The following DNAJC6 variants were observed in gnomAD, a reference collection of about 807,000 sequenced individuals.
DNAJC6 encodes the protein auxilin.
DNAJC6 carries 34 observed loss-of-function variants against 110.0 expected under a neutral mutation model. The ratio of observed to expected loss-of-function variants is 0.31; its 90% confidence interval spans 0.24 to 0.41. The LOEUF (loss-of-function observed/expected upper bound fraction) is 0.41, where lower values mean the gene tolerates loss of function less well. Ranked by LOEUF, DNAJC6 falls within the 10% of genes least tolerant of loss-of-function variation. The pLI, the probability that DNAJC6 is intolerant of heterozygous loss-of-function variation, is 1.00. For missense variants in DNAJC6, 1,031 were observed against 1,207.8 expected (o/e 0.85, Z 2.17); for synonymous variants, 406 against 437.2 (o/e 0.93, Z 0.89).
chr1:65,348,195 A>G (rs1454420994), intron 1 of DNAJC6, among the ~76,000 whole-genome samples: 1 of 152,208 alleles, frequency 6.6e-6, no homozygotes, highest in Non-Finnish European at 1.5e-5. Flanking sequence ...CTTAATTGAC[A>G]CCCAGAAATA....
At chr1:65,292,656 A>G (rs1367562098) in intron 1 of DNAJC6, among the ~76,000 whole-genome samples, 1 of 152,004 alleles carries the variant, frequency 6.6e-6, no homozygotes, top group Non-Finnish European at 1.5e-5. Flanking sequence ...GCTGGTCTCA[A>G]ACTCCTGGGC....
chr1:65,353,952 C>T (rs548465443), intron 1 of DNAJC6, among the ~76,000 whole-genome samples: 5 of 152,126 alleles, frequency 3.3e-5, no homozygotes, highest in Non-Finnish European at 5.9e-5. Flanking sequence ...CAAAGTTGAT[C>T]TGTTTGGTCT....
At chr1:65,380,332 A>C (rs1036193188) in intron 5 of DNAJC6, among the ~76,000 whole-genome samples, 12 of 152,242 alleles carry the variant, frequency 7.9e-5, no homozygotes, top group African/African-American at 2.7e-4. Context: ...TATAAATTTT[A>C]AAGCTTCTAT....
rs1184309091 is a variant in DNAJC6 at position 65,408,693 on chromosome 1, C to CA, written c.2546dup (p.Asn849LysfsTer14). On this transcript the variant is annotated frameshift_variant, in exon 17 of 19. Transcript: ENST00000371069. LOFTEE classifies it high-confidence loss of function. ...AAGACCTACTCTCTGGTCAAGGTTTCAATGCTCACAAAGACAAAAAGGGGC... is the reference window on the plus strand; with the variant it reads ...AAGACCTACTCTCTGGTCAAGGTTTCAAATGCTCACAAAGACAAAAAGGGGC... 6.2e-7 allele frequency: 1 copy of CA among 1,613,972 alleles called. No homozygotes were observed. The highest frequency in any genetic ancestry group is 8.5e-7 in the Non-Finnish European group (1 of 1,179,936).
chr1:65,400,415 C>A (rs1050384549), intron 14 of DNAJC6, among the ~76,000 whole-genome samples: 5 of 152,154 alleles, frequency 3.3e-5, no homozygotes, highest in Non-Finnish European at 4.4e-5. Flanking sequence ...TACAATGGAT[C>A]TCTTGACTTA....
intron 15 of DNAJC6, among the ~76,000 whole-genome samples, chr1:65,403,740 G>T (rs1646050457): frequency 6.6e-6 from 1 of 152,176 alleles, no homozygotes; most frequent in Non-Finnish European, 1.5e-5. Flanking sequence ...ATTTCTGTAA[G>T]TTCTCTGCTT....
Position 65,388,359 on chromosome 1 carries a change from G to A in DNAJC6, c.1137G>A (p.Gln379=). The A allele has an allele frequency of 6.2e-7, 1 of 1,614,074 alleles. No individual in the cohort carries two copies. Among genetic ancestry groups the A allele is most frequent in the Non-Finnish European group, 8.5e-7 (1 of 1,179,980 alleles). ...AGGTGACCAACACACAGATATTCCA[G>A]CTTCAGTTTCACACTGGATTCATAC... The part of the protein sequence containing the change: ...QAKVTNTQIF[Q]LQFHTGFIPL... The change falls in exon 9 of 19, where the codon CAG becomes CAA. Residue 379 remains glutamine (Q), a synonymous_variant. Transcript: ENST00000371069.
rs74083003 is a variant in DNAJC6 at position 65,279,225 on chromosome 1, G to A, written c.-131+14293G>A. On this transcript the variant is annotated intron_variant, in intron 1 of 19. Coordinates refer to the DNAJC6 transcript ENST00000263441. ...TTGGGGGAGGGGCGGTGATGGTGGC[G>A]TGCAGAGATTGAACCCAGCTGTGAC... 9.9e-4 allele frequency: 921 copies of A among 933,782 alleles called. 7 individuals are homozygous for A. In the African/African-American group the frequency reaches 0.015, roughly 15 times the overall value. The allele number at this position is 933,782 out of a possible 1,614,324, so 57.8% of individuals were successfully genotyped here.
intron 4 of DNAJC6, among the ~76,000 whole-genome samples, chr1:65,370,918 T>C (rs865795002): frequency 7.2e-5 from 11 of 152,196 alleles, no homozygotes; most frequent in South Asian, 2.1e-4. Context: ...TGGTGGGAGA[T>C]TGGCTGGAGT....
At position 65,380,921 on chromosome 1, in the gene DNAJC6, G is replaced by GTTTTTTTTTTT. The variant is rs1162044500; in HGVS notation, c.666+1403_666+1413dup. ...TTTTTTTTGTTTTTTGTTTTGTTTT[G>GTTTTTTTTTTT]TTTTTTTTTTTTTTTTGGGACCGAG... On this transcript the variant is annotated intron_variant, in intron 5 of 18. Transcript: ENST00000371069. 5.0e-4 allele frequency among the ~76,000 whole-genome samples: 50 copies of GTTTTTTTTTTT among 99,314 alleles called. 1 individual carries two copies. Among genetic ancestry groups the GTTTTTTTTTTT allele is most frequent in the Middle Eastern group, 6.9e-3 (1 of 144 alleles). The allele number at this position is 99,314 out of a possible 152,430, so 65.2% of individuals were successfully genotyped here. A position where few individuals can be genotyped will look rare whatever the true frequency, so the allele number is the denominator to read the frequency against.
chr1:65,292,357 C>T (rs1173641022), intron 1 of DNAJC6, among the ~76,000 whole-genome samples: 1 of 147,384 alleles, frequency 6.8e-6, no homozygotes, highest in Admixed American at 6.8e-5. Flanking sequence ...ATGAATATTA[C>T]GCTTTTCATT....
At chr1:65,390,647 G>A (rs960086723) in intron 11 of DNAJC6, among the ~76,000 whole-genome samples, 1 of 152,194 alleles carries the variant, frequency 6.6e-6, no homozygotes, top group Admixed American at 6.5e-5. Flanking sequence ...ACTGGCTATG[G>A]TATGGTTTAT....
chr1:65,290,462 C>G (rs1644859688), intron 1 of DNAJC6, among the ~76,000 whole-genome samples: 3 of 152,128 alleles, frequency 2.0e-5, no homozygotes, highest in Admixed American at 2.0e-4. Flanking sequence ...AGGTTTTCTT[C>G]TGAAAGCTTT....
Position 65,301,975 on chromosome 1 carries a change from CAG to C in DNAJC6, c.-131+37062_-131+37063del, listed in dbSNP as rs141225122. ...AGGTGAAAGTAGGGAGGTAGAACAT[CAG>C]AGAGAGAGAGAGAGAGAGGGAGAGA... On this transcript the variant is annotated intron_variant, in intron 1 of 19. Transcript: ENST00000263441. 2.4e-3 allele frequency among the ~76,000 whole-genome samples: 350 copies of C among 144,018 alleles called. 1 individual carries two copies. The highest frequency in any genetic ancestry group is 2.8e-3 in the Admixed American group (40 of 14,230). 94.5% of individuals were successfully genotyped at this position (144,018 alleles called of 152,430 possible).
rs753576283 is a variant in DNAJC6, at chr1:65,364,630, G to A, written c.194-5G>A. 2 of 1,198,712 alleles carry A rather than the reference G, an allele frequency of 1.7e-6. No individual in the cohort carries two copies. Among genetic ancestry groups the A allele is most frequent in the South Asian group, 2.4e-5 (1 of 40,972 alleles). The allele number at this position is 1,198,712 out of a possible 1,614,324, so 74.3% of individuals were successfully genotyped here. ...TGTTTGTTTGTTTTTTTTTTTTTTT[G>A]GCAGGTGCCTCATCTCCAGACATGG... On this transcript the variant is annotated splice_region_variant and splice_polypyrimidine_tract_variant and intron_variant, in intron 1 of 18. Coordinates refer to ENST00000371069, the MANE Select transcript of DNAJC6 (RefSeq NM_001256864.2).
intron 13 of DNAJC6, among the ~76,000 whole-genome samples, chr1:65,398,169 G>C (rs1037914736): frequency 5.3e-5 from 8 of 152,068 alleles, no homozygotes; most frequent in African/African-American, 1.9e-4. Context: ...GAACTTTGAG[G>C]GGGGGTCAGA....
rs150470314 is a variant in DNAJC6 at position 65,340,934 on chromosome 1, C to T, written c.194-23701C>T. Among the ~76,000 whole-genome samples the T allele has an allele frequency of 5.9e-3, 900 of 152,268 alleles. 8 individuals are homozygous for T. Among genetic ancestry groups the T allele is most frequent in the African/African-American group, 0.021 (877 of 41,564 alleles). ...ATCTGAAAATTTGCATTTTTTAAAA[C>T]AGGCACCCCAGGCTATTCTGATGCG... On this transcript the variant is annotated intron_variant, in intron 1 of 18. Transcript: ENST00000371069.
At chr1:65,339,557 T>C (rs1360400977) in intron 1 of DNAJC6, among the ~76,000 whole-genome samples, 1 of 152,240 alleles carries the variant, frequency 6.6e-6, no homozygotes, top group African/African-American at 2.4e-5. Flanking sequence ...TTGTTATTTT[T>C]AGTAGCGGAA....
intron 4 of DNAJC6, among the ~76,000 whole-genome samples, chr1:65,373,143 T>G (rs1645724187): frequency 6.6e-6 from 1 of 152,226 alleles, no homozygotes; most frequent in South Asian, 2.1e-4. Flanking sequence ...AGGATTTCAT[T>G]CTTTTTTATG....
Sources: gnomAD v4.1 joint callset for allele counts (sites outside exome capture counted in the v4.1 genomes callset) on GRCh38, gnomAD v4.1.1 for gene constraint, MANE v1.5 for transcripts, NCBI Gene and HGNC (gene_info 2026-07-23, HGNC 2026-07-21) for gene names.